The following TCF7L2 variants were observed in gnomAD, a reference collection of about 807,000 sequenced individuals.
TCF7L2 encodes transcription factor 7-like 2.
In TCF7L2, 23 loss-of-function variants were observed where a neutral mutation model predicts 77.9. That is an observed-to-expected ratio of 0.30 (90% CI 0.21 to 0.42). TCF7L2 has a LOEUF of 0.42. Among genes scored for constraint, TCF7L2 ranks in the 10% least tolerant of loss-of-function variants. TCF7L2 has a pLI of 1.00. For missense variants in TCF7L2, 654 were observed against 793.1 expected (o/e 0.82, Z 2.11); for synonymous variants, 413 against 340.2 (o/e 1.21, Z -2.36).
intron 5 of TCF7L2, among the ~76,000 whole-genome samples, chr10:113,099,847 T>C (rs2061437665): frequency 6.6e-6 from 1 of 151,888 alleles, no homozygotes; most frequent in African/African-American, 2.4e-5. Context: ...AAAGCAGAAA[T>C]TGGAGAGGAG....
intron 5 of TCF7L2, chr10:113,126,582 CT>C (rs1592053496): frequency 1.0e-6 from 1 of 985,266 alleles, no homozygotes. Context: ...TAAACGCCCC[CT>C]CCCTTTTGTG....
intron 3 of TCF7L2, among the ~76,000 whole-genome samples, chr10:112,956,503 A>G (rs1305580865): frequency 6.6e-6 from 1 of 151,952 alleles, no homozygotes; most frequent in Non-Finnish European, 1.5e-5. Context: ...TAAAGTTTGG[A>G]AAAGGAGGCT....
At chr10:113,064,347 A>G in intron 5 of TCF7L2, among the ~76,000 whole-genome samples, 1 of 152,230 alleles carries the variant, frequency 6.6e-6, no homozygotes, top group East Asian at 1.9e-4. Flanking sequence ...AAATGCGGGT[A>G]GTAGGCTCAC....
intron 1 of TCF7L2, 45 bp downstream of exon 1, chr10:112,950,990 T>C (rs766563719): frequency 7.1e-5 from 111 of 1,569,536 alleles, no homozygotes; most frequent in Non-Finnish European, 8.8e-5. Flanking sequence ...ATCTGTTTCC[T>C]GGGCTTGGCA....
chr10:113,113,863 T>C (rs1175398511), intron 5 of TCF7L2, among the ~76,000 whole-genome samples: 4 of 152,188 alleles, frequency 2.6e-5, no homozygotes, highest in Non-Finnish European at 5.9e-5. Flanking sequence ...AATATAAAAA[T>C]CAGCCTTTTA....
rs2134205849 is a variant in TCF7L2 at position 112,951,581 on chromosome 10, G to A, written c.355G>A (p.Gly119Arg). ...CCTGACGAGCCCCTACCTCCCCAACGGATCGCTCTCGCCCACCGCCCGAAC... is the reference window on the plus strand; with the variant it reads ...CCTGACGAGCCCCTACCTCCCCAACAGATCGCTCTCGCCCACCGCCCGAAC... The change falls in exon 3 of 14, where the codon GGA becomes AGA. Residue 119 changes from glycine (G) to arginine (R), a missense_variant. Physicochemically the swap from Gly to Arg is moderately radical, Grantham distance 125. Coordinates refer to ENST00000627217, the MANE Select transcript of TCF7L2 (RefSeq NM_001146274.2). 6 of 1,354,676 alleles carry A rather than the reference G, an allele frequency of 4.4e-6. No individual in the cohort carries two copies. The highest frequency in any genetic ancestry group is 4.9e-6 in the Non-Finnish European group (5 of 1,025,198). 83.9% of individuals were successfully genotyped at this position (1,354,676 alleles called of 1,614,324 possible). A position where few individuals can be genotyped will look rare whatever the true frequency, so the allele number is the denominator to read the frequency against.
At chr10:112,993,584 G>C (rs1338730424) in intron 4 of TCF7L2, among the ~76,000 whole-genome samples, 5 of 152,114 alleles carry the variant, frequency 3.3e-5, no homozygotes, top group Non-Finnish European at 7.4e-5. Flanking sequence ...TCTGTACCTA[G>C]GTTGCAAGAT....
At chr10:113,029,290 T>C (rs2049776663) in intron 4 of TCF7L2, among the ~76,000 whole-genome samples, 1 of 152,192 alleles carries the variant, frequency 6.6e-6, no homozygotes. Context: ...ATCAGCACCA[T>C]TAACCCAAGG....
At chr10:113,113,699 C>T (rs936931989) in intron 5 of TCF7L2, among the ~76,000 whole-genome samples, 4 of 152,114 alleles carry the variant, frequency 2.6e-5, no homozygotes, top group Non-Finnish European at 5.9e-5. Context: ...ATTAGTTTTC[C>T]TGGGCTCCTC....
Position 113,157,845 on chromosome 10 carries a change from A to G in TCF7L2, c.1270-176A>G, listed in dbSNP as rs1017491167. On this transcript the variant is annotated intron_variant, in intron 11 of 13. Transcript: ENST00000627217. ...GCGTGTGTCCCTCCAGCTGGGGTACAATGCAAGGGCATTTGGCTTGAAGCG... is the reference window on the plus strand; with the variant it reads ...GCGTGTGTCCCTCCAGCTGGGGTACGATGCAAGGGCATTTGGCTTGAAGCG... The G allele has an allele frequency of 4.0e-5, 24 of 605,364 alleles. No individual in the cohort carries two copies. In the South Asian group the frequency reaches 4.0e-4, roughly 10 times the overall value. 37.5% of individuals were successfully genotyped at this position (605,364 alleles called of 1,614,324 possible). A position where few individuals can be genotyped will look rare whatever the true frequency, so the allele number is the denominator to read the frequency against.
chr10:113,123,728 T>A (rs1441375270), intron 5 of TCF7L2, among the ~76,000 whole-genome samples: 2 of 152,164 alleles, frequency 1.3e-5, no homozygotes, highest in Admixed American at 1.3e-4. Flanking sequence ...TTTTGATCCA[T>A]TTTTTAAAAA....
intron 5 of TCF7L2, among the ~76,000 whole-genome samples, chr10:113,115,984 A>G (rs945505419): frequency 6.6e-6 from 1 of 152,182 alleles, no homozygotes; most frequent in Non-Finnish European, 1.5e-5. Context: ...GTCTTCTAAT[A>G]TTATGGAATG....
chr10:113,025,138 A>C (rs2133947929), intron 4 of TCF7L2, among the ~76,000 whole-genome samples: 1 of 151,822 alleles, frequency 6.6e-6, no homozygotes, highest in South Asian at 2.1e-4. Flanking sequence ...GCTCACTGCA[A>C]CCATGACCTC....
chr10:113,035,079 G>T lies in TCF7L2; in HGVS notation c.451-4946G>T, dbSNP rs2050937058. ...CTCTGAACCTTTTCCAGTCAGAATT[G>T]CTCAGGGATTTTTAGACTTCCATTC... On this transcript the variant is annotated intron_variant, in intron 4 of 13. Coordinates refer to ENST00000627217, the MANE Select transcript of TCF7L2 (RefSeq NM_001146274.2). Among the ~76,000 whole-genome samples the T allele has an allele frequency of 1.3e-5, 2 of 150,466 alleles. 1 individual carries two copies. The highest frequency in any genetic ancestry group is 1.3e-4 in the Admixed American group (2 of 15,032).
At chr10:113,013,546 G>A (rs1590415789) in intron 4 of TCF7L2, among the ~76,000 whole-genome samples, 1 of 152,326 alleles carries the variant, frequency 6.6e-6, no homozygotes, top group South Asian at 2.1e-4. Context: ...TTGAAGTGGG[G>A]GCTCATAGGT....
At chr10:112,955,738 T>A (rs1474523957) in intron 3 of TCF7L2, among the ~76,000 whole-genome samples, 3 of 152,182 alleles carry the variant, frequency 2.0e-5, no homozygotes, top group African/African-American at 7.2e-5. Flanking sequence ...TTCTGTTTCT[T>A]AGCAAGCTGT....
intron 4 of TCF7L2, among the ~76,000 whole-genome samples, chr10:113,020,310 T>G (rs1192335020): frequency 6.6e-6 from 1 of 152,170 alleles, no homozygotes; most frequent in Non-Finnish European, 1.5e-5. Context: ...GGGAGGCAGC[T>G]GGGAAGAAGG....
chr10:112,997,195 T>TACCACAGC (rs1310672446), intron 4 of TCF7L2, among the ~76,000 whole-genome samples: 1 of 152,198 alleles, frequency 6.6e-6, no homozygotes, highest in Non-Finnish European at 1.5e-5. Flanking sequence ...AGGGTTCAAA[T>TACCACAGC]ACCACAGCTG....
intron 5 of TCF7L2, among the ~76,000 whole-genome samples, chr10:113,108,121 G>A (rs1040071701): frequency 3.3e-5 from 5 of 152,020 alleles, no homozygotes; most frequent in African/African-American, 1.2e-4. Flanking sequence ...CTCTTCTTAG[G>A]GGACAAAAGA....
Sources: gnomAD v4.1 joint callset for allele counts (sites outside exome capture counted in the v4.1 genomes callset) on GRCh38, gnomAD v4.1.1 for gene constraint, MANE v1.5 for transcripts, NCBI Gene and HGNC (gene_info 2026-07-23, HGNC 2026-07-21) for gene names.